The following TICRR variants were observed in gnomAD, a reference collection of about 807,000 sequenced individuals.
TICRR encodes treslin.
In TICRR, 132 loss-of-function variants were observed where a neutral mutation model predicts 178.1. The observed-to-expected ratio is 0.74, with a 90% CI of 0.64 to 0.86. The LOEUF is 0.86. TICRR is among the 40% of genes least tolerant of loss of function. The probability of loss-of-function intolerance (pLI) is 0.00; values close to 1 mark genes in which losing one functional copy is unlikely to be tolerated. For synonymous variants in TICRR, 991 were observed against 900.7 expected, an observed-to-expected ratio of 1.10 and a Z score of -1.79; for missense variants, 2,587 against 2,334.3, an observed-to-expected ratio of 1.11 and a Z score of -2.23.
At chr15:89,590,967 C>T (rs1962901424) in intron 4 of TICRR, among the ~76,000 whole-genome samples, 2 of 152,222 alleles carry the variant, frequency 1.3e-5, no homozygotes, top group Admixed American at 1.3e-4. Context: ...GTTCCCCCAA[C>T]CACCTCCTCC....
Position 89,623,672 on chromosome 15 carries a change from C to T in TICRR, c.3362C>T (p.Pro1121Leu), listed in dbSNP as rs368257958. The T allele has an allele frequency of 2.1e-5, 34 of 1,612,216 alleles. No homozygotes were observed. The highest frequency in any genetic ancestry group is 5.5e-5 in the South Asian group (5 of 90,478). The change falls in exon 20 of 22, where the codon CCA (proline) becomes CTA (leucine). Residue 1121 changes from proline (P) to leucine (L), a missense_variant. By Grantham distance (98) the Pro-to-Leu change is moderately conservative. Transcript: ENST00000268138. Reference sequence around the variant, plus strand: ...TCTCTGAGCTTTTCTAAAACTACACCAAGAAGGATCTCTCATACACCACAA... The same window carrying T: ...TCTCTGAGCTTTTCTAAAACTACACTAAGAAGGATCTCTCATACACCACAA... ...QKSLSFSKTTPRRISHTPQTP... is the reference protein window; with the variant it reads ...QKSLSFSKTTLRRISHTPQTP...
At position 89,624,950 on chromosome 15, in the gene TICRR, C is replaced by T. The variant is rs1467196025; in HGVS notation, c.4640C>T (p.Ala1547Val). ...CAACTAGACAACCTGCCAGCATCAG[C>T]TTGGCATTCCACAGACTCTGCCAGC... ...SAQLDNLPASAWHSTDSASPQ... is the reference protein window; with the variant it reads ...SAQLDNLPASVWHSTDSASPQ... The change falls in exon 20 of 22, where the codon GCT (alanine) becomes GTT (valine). Residue 1547 changes from alanine to valine, a missense_variant. Ala to Val is a moderately conservative substitution (Grantham distance 64, BLOSUM62 0). Coordinates refer to ENST00000268138, the MANE Select transcript of TICRR (RefSeq NM_152259.4). 3 of 1,614,130 alleles carry T rather than the reference C, an allele frequency of 1.9e-6. No homozygotes were observed. The highest frequency in any genetic ancestry group is 1.7e-6 in the Non-Finnish European group (2 of 1,180,024).
At position 89,623,874 on chromosome 15, in the gene TICRR, T is replaced by C; in HGVS notation, c.3564T>C (p.Leu1188=). The change falls in exon 20 of 22, where the codon CTT becomes CTC. Residue 1188 remains leucine, a synonymous_variant. Transcript: ENST00000268138. ...CCCAGGCAGGAGAAGGTACCTCTCTTGAAACGAAGACACCAAGAACTCCTA... is the reference window on the plus strand; with the variant it reads ...CCCAGGCAGGAGAAGGTACCTCTCTCGAAACGAAGACACCAAGAACTCCTA... ...RHTQAGEGTS[L]ETKTPRTPKR... 6.2e-7 allele frequency: 1 copy of C among 1,613,954 alleles called. No homozygotes were observed. Among genetic ancestry groups the C allele is most frequent in the Non-Finnish European group, 8.5e-7 (1 of 1,180,024 alleles).
intron 5 of TICRR, among the ~76,000 whole-genome samples, chr15:89,594,097 A>G (rs949458158): frequency 2.0e-5 from 3 of 152,242 alleles, no homozygotes; most frequent in Non-Finnish European, 4.4e-5. Flanking sequence ...GTAAAAAATA[A>G]CTATGGAAGC....
At position 89,612,301 on chromosome 15, in the gene TICRR, G is replaced by A. The variant is rs555961950; in HGVS notation, c.2869+3352G>A. Among the ~76,000 whole-genome samples, 44 of 152,282 alleles carry A rather than the reference G, an allele frequency of 2.9e-4. 1 individual carries two copies. Among genetic ancestry groups the A allele is most frequent in the Non-Finnish European group, 5.3e-4 (36 of 68,014 alleles). The stretch of plus-strand genomic sequence containing the variant: ...CTTAAATGTCTGATTCAAGAAACGA[G>A]GAGGGGGAAGGTGTGTCTGTCCCTT... On this transcript the variant is annotated intron_variant, in intron 15 of 21. Transcript: ENST00000268138.
chr15:89,593,616 G>C (rs1030380320), intron 5 of TICRR, among the ~76,000 whole-genome samples: 2 of 152,204 alleles, frequency 1.3e-5, no homozygotes, highest in African/African-American at 4.8e-5. Context: ...TGAGGCACAA[G>C]ATTCACTTGA....
chr15:89,620,844 T>A (rs1281169666), intron 18 of TICRR, among the ~76,000 whole-genome samples: 1 of 151,852 alleles, frequency 6.6e-6, no homozygotes, highest in Non-Finnish European at 1.5e-5. Flanking sequence ...TGCCTCAGCC[T>A]CCTGAGTAGC....
Position 89,582,708 on chromosome 15 carries a change from T to C in TICRR, c.677T>C (p.Leu226Pro), listed in dbSNP as rs1962748926. The C allele has an allele frequency of 6.2e-7, 1 of 1,614,130 alleles. No homozygotes were observed. The highest frequency in any genetic ancestry group is 1.3e-5 in the African/African-American group (1 of 75,050). Residue 226 changes from leucine to proline, a missense_variant, in exon 2 of 22, where the codon CTT (leucine) becomes CCT (proline). Leu to Pro is a moderately conservative substitution (Grantham distance 98). Transcript: ENST00000268138. ...WSKLWESPDHLGYWTVCELLH... is the reference protein window; with the variant it reads ...WSKLWESPDHPGYWTVCELLH... Reference sequence around the variant, plus strand: ...TAGTTGTGGGAATCCCCAGACCACCTTGGATACTGGACTGTTTGTGAACTG... The same window carrying C: ...TAGTTGTGGGAATCCCCAGACCACCCTGGATACTGGACTGTTTGTGAACTG...
Position 89,585,707 on chromosome 15 carries a change from G to A in TICRR, c.1177-1G>A. 1 of 1,610,744 alleles carries A rather than the reference G, an allele frequency of 6.2e-7. No individual in the cohort carries two copies. The highest frequency in any genetic ancestry group is 8.5e-7 in the Non-Finnish European group (1 of 1,176,934). On this transcript the variant is annotated splice_acceptor_variant, in intron 3 of 21. Transcript: ENST00000268138. LOFTEE classifies it high-confidence loss of function. ...TCAACTAATTAGGGCTTCTCACGTA[G>A]GTTGCTGATGTGGACCCTGGTGAAG... is the stretch of plus-strand genomic sequence containing the variant.
At chr15:89,584,011 A>T (rs549814214) in intron 2 of TICRR, among the ~76,000 whole-genome samples, 5 of 152,212 alleles carry the variant, frequency 3.3e-5, no homozygotes, top group African/African-American at 1.2e-4. Context: ...CTTATTTCTA[A>T]GTCATAATTT....
At chr15:89,576,634 T>C (rs1191871758) in intron 1 of TICRR, among the ~76,000 whole-genome samples, 3 of 152,006 alleles carry the variant, frequency 2.0e-5, no homozygotes, top group South Asian at 2.1e-4. Context: ...CCTTTAAGGC[T>C]TCTTCTCCCA....
chr15:89,620,941 C>CT (rs1963414918), intron 18 of TICRR, among the ~76,000 whole-genome samples: 1 of 151,344 alleles, frequency 6.6e-6, no homozygotes, highest in Non-Finnish European at 1.5e-5. Context: ...CCAGGATAGT[C>CT]TCGATCTCCG....
At chr15:89,621,754 G>A (rs924932268) in intron 19 of TICRR, among the ~76,000 whole-genome samples, 1 of 152,094 alleles carries the variant, frequency 6.6e-6, no homozygotes, top group Admixed American at 6.5e-5. Context: ...CCACGGTGGG[G>A]GCGGTGGAGG....
intron 1 of TICRR, among the ~76,000 whole-genome samples, chr15:89,581,312 G>T (rs560665097): frequency 6.6e-6 from 1 of 152,276 alleles, no homozygotes; most frequent in Non-Finnish European, 1.5e-5. Flanking sequence ...GAATATTGTT[G>T]TTATACTGTG....
intron 15 of TICRR, among the ~76,000 whole-genome samples, chr15:89,615,836 C>G (rs1449095049): frequency 6.6e-6 from 1 of 151,830 alleles, no homozygotes; most frequent in Non-Finnish European, 1.5e-5. Context: ...AACAAGTGAG[C>G]AATTTTCATT....
At chr15:89,590,721 A>G (rs746856489) in intron 4 of TICRR, among the ~76,000 whole-genome samples, 1 of 152,190 alleles carries the variant, frequency 6.6e-6, no homozygotes, top group African/African-American at 2.4e-5. Context: ...CCATGACTTC[A>G]CAAGAGTGGA....
chr15:89,586,030 A>T, intron 4 of TICRR, 88 bp downstream of exon 4: 1 of 881,948 alleles, frequency 1.1e-6, no homozygotes, highest in Non-Finnish European at 1.8e-6. Context: ...CAGTTAGTAG[A>T]ACCCCAATAT....
chr15:89,624,087 C>A lies in TICRR; in HGVS notation c.3777C>A (p.Gly1259=), dbSNP rs147300817. 2 of 1,613,910 alleles carry A rather than the reference C, an allele frequency of 1.2e-6. No homozygotes were observed. The highest frequency in any genetic ancestry group is 4.5e-5 in the East Asian group (2 of 44,848). ...RTPPRAAAFM[G]TPQNQTHQQP... ...CTCCGAGAGCAGCAGCCTTCATGGG[C>A]ACGCCTCAGAATCAAACACACCAAC... The change falls in exon 20 of 22, where the codon GGC becomes GGA. Residue 1259 remains glycine (G), a synonymous_variant. Coordinates refer to ENST00000268138, the MANE Select transcript of TICRR (RefSeq NM_152259.4).
chr15:89,620,527 T>C (rs1963406487), intron 18 of TICRR, among the ~76,000 whole-genome samples: 1 of 152,024 alleles, frequency 6.6e-6, no homozygotes, highest in Non-Finnish European at 1.5e-5. Flanking sequence ...TTTTTATATT[T>C]ACAAATTAAA....
Sources: allele counts gnomAD v4.1 joint callset (sites outside exome capture counted in the v4.1 genomes callset), GRCh38; gene constraint gnomAD v4.1.1; transcripts MANE v1.5; gene names NCBI Gene and HGNC (gene_info 2026-07-23, HGNC 2026-07-21).